Variants in ABTB2 observed in about 807,000 individuals in gnomAD.
ABTB2 encodes ankyrin repeat and BTB domain containing 2, also known as ankyrin repeat and BTB/POZ domain-containing protein 2.
ABTB2 carries 56 observed loss-of-function variants against 104.1 expected under a neutral mutation model. The ratio of observed to expected loss-of-function variants is 0.54; its 90% CI spans 0.43 to 0.67. The LOEUF is 0.67. ABTB2 is among the 30% of genes least tolerant of loss of function. ABTB2 has a pLI of 0.00. For synonymous variants in ABTB2, 606 were observed against 608.2 expected (o/e 1.00, Z 0.05); for missense variants, 1,279 against 1,407.7 (o/e 0.91, Z 1.46).
chr11:34,277,771 A>C (rs2133084768), intron 1 of ABTB2, among the ~76,000 whole-genome samples: 1 of 151,700 alleles, frequency 6.6e-6, no homozygotes, highest in East Asian at 1.9e-4. Flanking sequence ...CTGTCTCAAA[A>C]ACAAAATGAA....
intron 3 of ABTB2, among the ~76,000 whole-genome samples, chr11:34,173,528 A>G (rs1230272468): frequency 6.6e-6 from 1 of 152,110 alleles, no homozygotes; most frequent in Non-Finnish European, 1.5e-5. Flanking sequence ...ACAAGTGGCA[A>G]CCAAGGCTGA....
chr11:34,322,656 A>G (rs1855019497), intron 1 of ABTB2, among the ~76,000 whole-genome samples: 1 of 152,158 alleles, frequency 6.6e-6, no homozygotes, highest in Non-Finnish European at 1.5e-5. Context: ...GCATTGTGAG[A>G]ATTAAATGCA....
At chr11:34,262,543 A>G (rs916955624) in intron 1 of ABTB2, among the ~76,000 whole-genome samples, 1 of 152,144 alleles carries the variant, frequency 6.6e-6, no homozygotes, top group Admixed American at 6.5e-5. Context: ...GGTATCGTCC[A>G]ATTACACCTC....
At chr11:34,280,111 G>A (rs1380150094) in intron 1 of ABTB2, among the ~76,000 whole-genome samples, 2 of 152,032 alleles carry the variant, frequency 1.3e-5, no homozygotes, top group Admixed American at 1.3e-4. Context: ...TCCTCACAAG[G>A]ACCCTATGCG....
chr11:34,320,689 A>T (rs1400849430), intron 1 of ABTB2, among the ~76,000 whole-genome samples: 5 of 152,212 alleles, frequency 3.3e-5, no homozygotes, highest in Non-Finnish European at 1.5e-5. Flanking sequence ...TGTCCACATT[A>T]GACGTCCGTG....
chr11:34,348,510 G>C (rs192218070), intron 1 of ABTB2, among the ~76,000 whole-genome samples: 23 of 152,222 alleles, frequency 1.5e-4, no homozygotes, highest in Non-Finnish European at 2.8e-4. Context: ...CCTCTGCCTG[G>C]AAGCCTCTGG....
chr11:34,251,468 C>G (rs1301218293), intron 1 of ABTB2, among the ~76,000 whole-genome samples: 1 of 152,212 alleles, frequency 6.6e-6, no homozygotes, highest in Non-Finnish European at 1.5e-5. Context: ...GTGGCTGGCT[C>G]TGTTAAAGGG....
chr11:34,309,707 T>C (rs1854827614), intron 1 of ABTB2, among the ~76,000 whole-genome samples: 1 of 152,138 alleles, frequency 6.6e-6, no homozygotes, highest in African/African-American at 2.4e-5. Context: ...AACAAACTTT[T>C]GGTTAACTAT....
At chr11:34,313,171 A>T (rs1451994835) in intron 1 of ABTB2, among the ~76,000 whole-genome samples, 1 of 152,190 alleles carries the variant, frequency 6.6e-6, no homozygotes, top group Non-Finnish European at 1.5e-5. Context: ...TTCTTGCTCA[A>T]GGGTTTCTGG....
intron 1 of ABTB2, among the ~76,000 whole-genome samples, chr11:34,346,344 T>C (rs1215923468): frequency 6.6e-6 from 1 of 152,092 alleles, no homozygotes; most frequent in Non-Finnish European, 1.5e-5. Flanking sequence ...GCACATGCTA[T>C]ATGAAGTCAC....
At position 34,164,777 on chromosome 11, in the gene ABTB2, G is replaced by T. The variant is rs773380107; in HGVS notation, c.1897C>A (p.Pro633Thr). Residue 633 changes from proline to threonine, a missense_variant, in exon 9 of 17, where the codon CCC becomes ACC. By Grantham distance (38) the Pro-to-Thr change is conservative (BLOSUM62 -1). Transcript: ENST00000435224. ...TGGGCCTCCAGCATGCTGAGGAGGG[G>T]GTCGGCGCCTCGGCTCAGCAACAAA... is the stretch of plus-strand genomic sequence containing the variant. ...VSLLLSRGADPLLSMLEAHGM... is the reference protein window; with the variant it reads ...VSLLLSRGADTLLSMLEAHGM... 2.5e-6 allele frequency: 4 copies of T among 1,575,056 alleles called. No homozygotes were observed. Among genetic ancestry groups the T allele is most frequent in the Non-Finnish European group, 3.4e-6 (4 of 1,167,632 alleles).
intron 1 of ABTB2, among the ~76,000 whole-genome samples, chr11:34,295,670 G>A (rs1018907994): frequency 6.6e-6 from 1 of 152,164 alleles, no homozygotes; most frequent in African/African-American, 2.4e-5. Flanking sequence ...AGACTGGAGA[G>A]TTTATAAACA....
In ABTB2 at chr11:34,187,090, C is replaced by A. The variant is rs999986442; in HGVS notation, c.1244+10235G>T. On this transcript the variant is annotated intron_variant, in intron 3 of 16. Coordinates refer to ENST00000435224, the MANE Select transcript of ABTB2 (RefSeq NM_145804.3). Reference sequence around the variant, plus strand: ...GACCTCCTCAAGGCCTCAGTCTGCTCGCTATAAATGGGAATGTAATAGTTT... The same window carrying A: ...GACCTCCTCAAGGCCTCAGTCTGCTAGCTATAAATGGGAATGTAATAGTTT... Among the ~76,000 whole-genome samples the A allele has an allele frequency of 1.3e-5, 2 of 152,170 alleles. 1 individual carries two copies. The highest frequency in any genetic ancestry group is 4.1e-4 in the South Asian group (2 of 4,838).
chr11:34,283,175 C>T (rs533647033), intron 1 of ABTB2, among the ~76,000 whole-genome samples: 4 of 151,262 alleles, frequency 2.6e-5, no homozygotes, highest in African/African-American at 4.9e-5. Flanking sequence ...GCCTCGGCCT[C>T]CCAAAGTGCT....
At chr11:34,298,412 CTT>C (rs200966756) in intron 1 of ABTB2, among the ~76,000 whole-genome samples, 3 of 129,050 alleles carry the variant, frequency 2.3e-5, no homozygotes, top group Admixed American at 1.5e-4. Flanking sequence ...GATCTTGTTT[CTT>C]TTTTTTTTTT....
At chr11:34,231,782 C>T (rs915597291) in intron 1 of ABTB2, among the ~76,000 whole-genome samples, 9 of 151,990 alleles carry the variant, frequency 5.9e-5, no homozygotes, top group East Asian at 1.9e-4. Flanking sequence ...CGCACCCGGC[C>T]GATAGTGTGT....
At chr11:34,330,869 G>A (rs1855121299) in intron 1 of ABTB2, among the ~76,000 whole-genome samples, 1 of 152,204 alleles carries the variant, frequency 6.6e-6, no homozygotes, top group African/African-American at 2.4e-5. Context: ...AGATCCCTTT[G>A]GAACTTTTCC....
chr11:34,322,566 C>A (rs1173130540), intron 1 of ABTB2, among the ~76,000 whole-genome samples: 1 of 151,808 alleles, frequency 6.6e-6, no homozygotes, highest in Non-Finnish European at 1.5e-5. Flanking sequence ...CACAGTGAGA[C>A]TCCATCTCAA....
intron 1 of ABTB2, among the ~76,000 whole-genome samples, chr11:34,249,504 G>C (rs1854028929): frequency 6.6e-6 from 1 of 152,072 alleles, no homozygotes; most frequent in African/African-American, 2.4e-5. Context: ...TAGTACAATA[G>C]GGCCTAGAAT....
Sources: gnomAD v4.1 joint callset for allele counts (sites outside exome capture counted in the v4.1 genomes callset) on GRCh38, gnomAD v4.1.1 for gene constraint, MANE v1.5 for transcripts, NCBI Gene and HGNC (gene_info 2026-07-23, HGNC 2026-07-21) for gene names.